The following SLC30A5 variants were observed in gnomAD, a reference collection of about 807,000 sequenced individuals.
SLC30A5 encodes proton-coupled zinc antiporter SLC30A5.
SLC30A5 carries 33 observed loss-of-function variants against 79.6 expected under a neutral mutation model. The ratio of observed to expected loss-of-function variants is 0.41; its 90% CI spans 0.31 to 0.55. The LOEUF is 0.55. SLC30A5 is among the 20% of genes least tolerant of loss of function. The probability of loss-of-function intolerance (pLI) is 0.20; values close to 1 mark genes in which losing one functional copy is unlikely to be tolerated. For missense variants in SLC30A5, 788 were observed against 928.1 expected, an observed-to-expected ratio of 0.85 and a Z score of 1.96; for synonymous variants, 299 against 319.7, an observed-to-expected ratio of 0.94 and a Z score of 0.69.
intron 1 of SLC30A5, among the ~76,000 whole-genome samples, chr5:69,100,294 C>T (rs1157922130): frequency 6.6e-6 from 1 of 152,026 alleles, no homozygotes; most frequent in Non-Finnish European, 1.5e-5. Context: ...CTCACTCTGT[C>T]GCCCAGGCTG....
At chr5:69,115,135 G>GAAAA (rs60614154) in intron 7 of SLC30A5, 102 bp from the exon 8 acceptor site, 68 of 539,590 alleles carry the variant, frequency 1.3e-4, no homozygotes, top group Middle Eastern at 6.3e-4. Flanking sequence ...TGTCTCTGGG[G>GAAAA]AAAAAAAAAA....
Sources: allele counts gnomAD v4.1 joint callset (sites outside exome capture counted in the v4.1 genomes callset), GRCh38; gene constraint gnomAD v4.1.1; transcripts MANE v1.5; gene names NCBI Gene and HGNC (gene_info 2026-07-23, HGNC 2026-07-21).